Variants in LAMA5 observed in about 807,000 individuals in gnomAD.
LAMA5 encodes laminin subunit alpha 5, also known as laminin subunit alpha-5.
A neutral mutation model predicts 433.4 loss-of-function variants in LAMA5; 260 were observed. The observed-to-expected ratio is 0.60, with a 90% CI of 0.54 to 0.66. LAMA5 has a LOEUF of 0.66. Ranked by LOEUF, LAMA5 falls within the 30% of genes least tolerant of loss-of-function variation. The pLI is 0.00. For missense variants in LAMA5, 5,378 were observed against 5,258.5 expected (o/e 1.02, Z -0.70); for synonymous variants, 2,620 against 2,226.6 (o/e 1.18, Z -4.97).
chr20:62,319,142 T>C, intron 51 of LAMA5, 129 bp from the exon 52 acceptor site: 1 of 1,000,840 alleles, frequency 1.0e-6, no homozygotes, highest in Non-Finnish European at 1.4e-6. Flanking sequence ...TGAGCGCACC[T>C]GGGTGGCCCC....
intron 28 of LAMA5, 69 bp downstream of exon 28, chr20:62,332,303 C>A (rs1481941305): frequency 6.1e-6 from 7 of 1,144,372 alleles, no homozygotes; most frequent in Non-Finnish European, 9.2e-6. Flanking sequence ...GTCCTCTCCC[C>A]TCTCATGCAT....
chr20:62,346,740 C>G lies in LAMA5; in HGVS notation c.1133G>C (p.Arg378Pro). Reference sequence around the variant, plus strand: ...GGTGCCATCCAGGCTCTGGCTGGCGCGGCGCCGGTCCACCTCAGGGTCGTA... The same window carrying G: ...GGTGCCATCCAGGCTCTGGCTGGCGGGGCGCCGGTCCACCTCAGGGTCGTA... ...CYYDPEVDRR[R>P]ASQSLDGTYQ... is the part of the protein sequence containing the mutation. Residue 378 changes from arginine (R) to proline (P), a missense_variant, in exon 8 of 80, where the codon CGC (arginine) becomes CCC (proline). Physicochemically the swap from Arg to Pro is moderately radical, Grantham distance 103 (BLOSUM62 -2). Transcript: ENST00000252999. The G allele has an allele frequency of 6.2e-7, 1 of 1,613,140 alleles. No homozygotes were observed. The highest frequency in any genetic ancestry group is 1.1e-5 in the South Asian group (1 of 91,064).
chr20:62,317,031 G>A lies in LAMA5; in HGVS notation c.7512-8C>T, dbSNP rs370912856. ...TTGACGTCCAGGATGATGCTGCAGCGGAAGGGAGGGTCGAAGGAGTGGGTA... is the reference window on the plus strand; with the variant it reads ...TTGACGTCCAGGATGATGCTGCAGCAGAAGGGAGGGTCGAAGGAGTGGGTA... On this transcript the variant is annotated splice_polypyrimidine_tract_variant and splice_region_variant and intron_variant, in intron 55 of 79. Coordinates refer to ENST00000252999, the MANE Select transcript of LAMA5 (RefSeq NM_005560.6). 356 of 1,518,972 alleles carry A rather than the reference G, an allele frequency of 2.3e-4. 1 individual carries two copies. The highest frequency in any genetic ancestry group is 1.6e-3 in the African/African-American group (113 of 71,926). 94.1% of individuals were successfully genotyped at this position (1,518,972 alleles called of 1,614,324 possible).
chr20:62,346,856 G>A, intron 7 of LAMA5, 56 bp from the exon 8 acceptor site: 1 of 1,605,680 alleles, frequency 6.2e-7, no homozygotes, highest in Non-Finnish European at 8.5e-7. Context: ...GGGCACCGGG[G>A]CCCTCTCATG....
At position 62,351,974 on chromosome 20, in the gene LAMA5, G is replaced by A. The variant is rs941714757; in HGVS notation, c.793C>T (p.Arg265Cys). The A allele has an allele frequency of 1.6e-5, 25 of 1,612,422 alleles. No homozygotes were observed. The highest frequency in any genetic ancestry group is 2.7e-5 in the African/African-American group (2 of 74,942). ...KATNVRLRFL[R>C]TNTLLGHLMG... ...AGATGGCCCAGCAGCGTGTTGGTAC[G>A]CAGGAAGCGCAGGCGGACGTTGGTG... The change falls in exon 5 of 80, where the codon CGT (arginine) becomes TGT (cysteine). Residue 265 changes from arginine to cysteine, a missense_variant. Arg to Cys is a radical substitution (Grantham distance 180). Transcript: ENST00000252999.
chr20:62,313,900 T>TGAGGGGTGGCGAGTGGGCACGGAGAGAC (rs1986612313), intron 62 of LAMA5, 98 bp from the exon 63 acceptor site: 1 of 843,862 alleles, frequency 1.2e-6, no homozygotes, highest in African/African-American at 3.0e-5. Context: ...CACGGAGAGA[T>TGAGGGGTGGCGAGTGGGCACGGAGAGAC]GAGGGGTGGC....
In LAMA5 at chr20:62,336,806, C is replaced by T. The variant is rs1344927418; in HGVS notation, c.2165-20G>A. 1 of 1,611,380 alleles carries T rather than the reference C, an allele frequency of 6.2e-7. No individual in the cohort carries two copies. Among genetic ancestry groups the T allele is most frequent in the Non-Finnish European group, 8.5e-7 (1 of 1,179,668 alleles). ...AGCCAGCTGTGAAGAGAGGACCATGCCTCGGTCATTTCCCAGTGACCAACC... is the reference window on the plus strand; with the variant it reads ...AGCCAGCTGTGAAGAGAGGACCATGTCTCGGTCATTTCCCAGTGACCAACC... On this transcript the variant is annotated intron_variant, in intron 16 of 79. Transcript: ENST00000252999.
intron 3 of LAMA5, 37 bp from the exon 4 acceptor site, chr20:62,352,397 C>T: frequency 1.3e-6 from 2 of 1,536,768 alleles, no homozygotes; most frequent in East Asian, 2.3e-5. Context: ...CGCTGGATCA[C>T]CAGAAAAGCC....
Position 62,324,061 on chromosome 20 carries a change from C to T in LAMA5, c.5768+19G>A, listed in dbSNP as rs115119607. The stretch of plus-strand genomic sequence containing the variant: ...GCCTGGCACCATCAGGGCCTCGTCC[C>T]GGGAGGAGGCTGGCTTACTTGTTGG... On this transcript the variant is annotated intron_variant, in intron 43 of 79. Coordinates refer to ENST00000252999, the MANE Select transcript of LAMA5 (RefSeq NM_005560.6). This position sits in a 1 kb window ranked among gnomAD's most constrained non-coding sequence, Gnocchi z 4.4. 2,040 of 1,495,614 alleles carry T rather than the reference C, an allele frequency of 1.4e-3. 20 individuals carry two copies. In the African/African-American group the frequency reaches 0.023, roughly 17 times the overall value. 92.6% of individuals were successfully genotyped at this position (1,495,614 alleles called of 1,614,324 possible).
intron 40 of LAMA5, 86 bp from the exon 41 acceptor site, chr20:62,325,632 G>T: frequency 1.2e-6 from 1 of 857,192 alleles, no homozygotes; most frequent in South Asian, 1.8e-5. Context: ...ACCCTGTAGG[G>T]GATGGAGGGG....
chr20:62,357,508 G>T (rs1299225925), intron 2 of LAMA5, among the ~76,000 whole-genome samples: 4 of 152,162 alleles, frequency 2.6e-5, no homozygotes, highest in African/African-American at 9.7e-5. Flanking sequence ...GGGGCGGGGC[G>T]GCAGCCGGGA....
At chr20:62,319,878 G>A (rs766547429) in intron 50 of LAMA5, 83 bp from the exon 51 acceptor site, 41 of 1,060,158 alleles carry the variant, frequency 3.9e-5, no homozygotes, top group East Asian at 3.2e-4. Flanking sequence ...CTGGGGGAGC[G>A]CCGAGGGTCC....
Position 62,351,709 on chromosome 20 carries a change from C to T in LAMA5, c.951G>A (p.Pro317=), listed in dbSNP as rs376308036. 1.7e-4 allele frequency: 278 copies of T among 1,611,162 alleles called. 2 individuals are homozygous for T. In the South Asian group the frequency reaches 2.7e-3, roughly 15 times the overall value. Residue 317 remains proline (P), a synonymous_variant, in exon 6 of 80, where the codon CCG becomes CCA. Transcript: ENST00000252999. ...DACDAKDPTD[P]FRLQCTCQHN... is the part of the protein sequence containing the mutation. ...TCACCTGAATGGGGCCTCACCTGAA[C>T]GGGTCCGTGGGGTCTTTGGCATCGC...
Position 62,329,900 on chromosome 20 carries a change from G to A in LAMA5, c.3996C>T (p.Ser1332=). ...GRVWQGHANA[S]FCPHGYGCRT... is the part of the protein sequence containing the mutation. ...GGCAGCCGTAGCCATGTGGACAGAA[G>A]CTGGCGTTGGCGTGGCCTGGGCGGG... Residue 1332 remains serine (S), a synonymous_variant, in exon 32 of 80, where the codon AGC becomes AGT. Coordinates refer to ENST00000252999, the MANE Select transcript of LAMA5 (RefSeq NM_005560.6). The A allele has an allele frequency of 6.2e-7, 1 of 1,611,752 alleles. No individual in the cohort carries two copies. Among genetic ancestry groups the A allele is most frequent in the Non-Finnish European group, 8.5e-7 (1 of 1,179,750 alleles).
In LAMA5 at chr20:62,335,023, C is replaced by T. The variant is rs755083751; in HGVS notation, c.2480G>A (p.Arg827His). The change falls in exon 20 of 80, where the codon CGC becomes CAC. Residue 827 changes from arginine to histidine, a missense_variant and splice_region_variant. Arg to His is a conservative substitution (Grantham distance 29, BLOSUM62 0). Transcript: ENST00000252999. ...GLDQADYFGC[R>H]SCRCDIGGAL... Reference sequence around the variant, plus strand: ...GGGACGAGCGAGTGGGCACTCACTGCGGCAGCCAAAATAGTCAGCCTGATC... The same window carrying T: ...GGGACGAGCGAGTGGGCACTCACTGTGGCAGCCAAAATAGTCAGCCTGATC... 9.9e-6 allele frequency: 16 copies of T among 1,611,966 alleles called. No homozygotes were observed. Among genetic ancestry groups the T allele is most frequent in the Non-Finnish European group, 1.2e-5 (14 of 1,179,092 alleles).
chr20:62,343,398 ACAAAAT>A (rs1356152826), intron 11 of LAMA5, among the ~76,000 whole-genome samples: 2 of 152,226 alleles, frequency 1.3e-5, no homozygotes, highest in African/African-American at 4.8e-5. Flanking sequence ...CTCAAAATTT[ACAAAAT>A]CAGGACACGG....
rs562281129 is a variant in LAMA5 at position 62,358,418 on chromosome 20, G to A, written c.450+3982C>T. ...CGAGCTCTGTAACTAGAGCCTGGCC[G>A]CAGCTGCACTTCCTGTCCTTCCCTG... On this transcript the variant is annotated intron_variant, in intron 2 of 79. Coordinates refer to ENST00000252999, the MANE Select transcript of LAMA5 (RefSeq NM_005560.6). Among the ~76,000 whole-genome samples the A allele has an allele frequency of 4.6e-5, 7 of 152,318 alleles. No homozygotes were observed. In the South Asian group the frequency reaches 6.2e-4, roughly 14 times the overall value.
intron 18 of LAMA5, 113 bp from the exon 19 acceptor site, chr20:62,335,382 C>CTGGGGGTGCTGGAGCCTGTG: frequency 2.0e-6 from 2 of 1,015,492 alleles, no homozygotes; most frequent in Non-Finnish European, 2.9e-6. Context: ...TCACAGGCTC[C>CTGGGGGTGCTGGAGCCTGTG]AGCACCCCCA....
chr20:62,325,690 G>C (rs1444902056), intron 40 of LAMA5, 144 bp from the exon 41 acceptor site: 1 of 565,646 alleles, frequency 1.8e-6, no homozygotes, highest in Non-Finnish European at 3.1e-6. Context: ...AGAAAAACCA[G>C]TCTCCCATGA....
Sources: allele counts gnomAD v4.1 joint callset (sites outside exome capture counted in the v4.1 genomes callset), GRCh38; gene constraint gnomAD v4.1.1; non-coding constraint Gnocchi (gnomAD v3.1); transcripts MANE v1.5; gene names NCBI Gene and HGNC (gene_info 2026-07-23, HGNC 2026-07-21).